Variants in SCMH1 observed in about 807,000 individuals in gnomAD.
SCMH1 encodes polycomb protein SCMH1.
A neutral mutation model predicts 70.8 loss-of-function variants in SCMH1; 37 were observed. The ratio of observed to expected loss-of-function variants is 0.52; its 90% CI spans 0.40 to 0.69. The LOEUF (loss-of-function observed/expected upper bound fraction) is 0.69. SCMH1 is among the 30% of genes least tolerant of loss of function. SCMH1 has a pLI of 0.00. For missense variants in SCMH1, 607 were observed against 827.3 expected, an observed-to-expected ratio of 0.73 and a Z score of 3.27; for synonymous variants, 292 against 307.4, an observed-to-expected ratio of 0.95 and a Z score of 0.52.
chr1:41,030,177 C>T (rs191557069), intron 13 of SCMH1, among the ~76,000 whole-genome samples: 1 of 152,286 alleles, frequency 6.6e-6, no homozygotes, highest in East Asian at 1.9e-4. Context: ...AGCGCCATTG[C>T]AGTCCAGCCT....
chr1:41,114,843 A>AT (rs1670068273), intron 7 of SCMH1, among the ~76,000 whole-genome samples: 3 of 151,778 alleles, frequency 2.0e-5, no homozygotes, highest in Admixed American at 2.0e-4. Context: ...CACTCTGCTA[A>AT]TTTTTGTTAT....
intron 8 of SCMH1, among the ~76,000 whole-genome samples, chr1:41,101,955 A>T (rs987329431): frequency 6.6e-6 from 1 of 152,212 alleles, no homozygotes; most frequent in African/African-American, 2.4e-5. Context: ...TGTATACCTG[A>T]ATAAAAGAGA....
At chr1:41,175,567 T>C (rs979995463) in intron 2 of SCMH1, among the ~76,000 whole-genome samples, 1 of 152,222 alleles carries the variant, frequency 6.6e-6, no homozygotes, top group Non-Finnish European at 1.5e-5. Flanking sequence ...ACCCTAATAC[T>C]AGGTCAGAGT....
intron 1 of SCMH1, among the ~76,000 whole-genome samples, chr1:41,199,640 A>G (rs1219642374): frequency 6.6e-6 from 1 of 151,784 alleles, no homozygotes; most frequent in Non-Finnish European, 1.5e-5. Flanking sequence ...AAAACCAAGT[A>G]TCACATGTAC....
intron 9 of SCMH1, among the ~76,000 whole-genome samples, chr1:41,074,774 A>G (rs1274705265): frequency 6.6e-6 from 1 of 152,214 alleles, no homozygotes; most frequent in Non-Finnish European, 1.5e-5. Context: ...ACGGTCTAGG[A>G]AATTCCTCTT....
intron 1 of SCMH1, among the ~76,000 whole-genome samples, chr1:41,207,793 T>C (rs528672457): frequency 6.6e-6 from 1 of 151,958 alleles, no homozygotes; most frequent in South Asian, 2.1e-4. Context: ...CTGGAGAGGA[T>C]GTGGAGAAAT....
At chr1:41,091,321 G>A (rs1281514011) in intron 8 of SCMH1, among the ~76,000 whole-genome samples, 10 of 152,064 alleles carry the variant, frequency 6.6e-5, no homozygotes, top group Admixed American at 1.3e-4. Context: ...AAAGGCCTTC[G>A]ACAAAATTTA....
At chr1:41,207,354 GC>G (rs1194205808) in intron 1 of SCMH1, among the ~76,000 whole-genome samples, 1 of 152,004 alleles carries the variant, frequency 6.6e-6, no homozygotes. Context: ...GATCTACCAA[GC>G]AAATGGAAAG....
chr1:41,052,350 T>A (rs1372840134), intron 10 of SCMH1, among the ~76,000 whole-genome samples: 1 of 152,216 alleles, frequency 6.6e-6, no homozygotes, highest in South Asian at 2.1e-4. Context: ...ATGAATCCTA[T>A]TGTAAACTGC....
intron 2 of SCMH1, among the ~76,000 whole-genome samples, chr1:41,172,743 T>C (rs1646870958): frequency 6.6e-6 from 1 of 152,038 alleles, no homozygotes; most frequent in Non-Finnish European, 1.5e-5. Flanking sequence ...CACACATATA[T>C]ACCAATGGAA....
chr1:41,218,517 T>C (rs1658567346), intron 1 of SCMH1, among the ~76,000 whole-genome samples: 1 of 152,124 alleles, frequency 6.6e-6, no homozygotes, highest in African/African-American at 2.4e-5. Context: ...GAAAAGATTC[T>C]ACCCAGAGTC....
chr1:41,135,759 G>C (rs1160077073), intron 6 of SCMH1, among the ~76,000 whole-genome samples: 1 of 152,124 alleles, frequency 6.6e-6, no homozygotes, highest in Admixed American at 6.6e-5. Context: ...GGCTGGTGAG[G>C]ATCATGCTGA....
chr1:41,090,426 T>C (rs1052167482), intron 8 of SCMH1, among the ~76,000 whole-genome samples: 1 of 152,092 alleles, frequency 6.6e-6, no homozygotes, highest in Admixed American at 6.6e-5. Flanking sequence ...AATTTTTGGT[T>C]GAAGTTACAA....
intron 1 of SCMH1, among the ~76,000 whole-genome samples, chr1:41,227,646 CACAA>C (rs1294892081): frequency 6.6e-6 from 1 of 152,054 alleles, no homozygotes; most frequent in Non-Finnish European, 1.5e-5. Flanking sequence ...GGGCCTATGT[CACAA>C]GTGGTAAAGA....
chr1:41,142,456 A>T (rs1287111864), intron 6 of SCMH1, among the ~76,000 whole-genome samples: 1 of 152,218 alleles, frequency 6.6e-6, no homozygotes, highest in East Asian at 1.9e-4. Flanking sequence ...GGACCAGGTG[A>T]GAATTAGTGA....
chr1:41,217,460 C>G (rs1408974752), intron 1 of SCMH1, among the ~76,000 whole-genome samples: 1 of 152,156 alleles, frequency 6.6e-6, no homozygotes, highest in Non-Finnish European at 1.5e-5. Context: ...CTCTGCCTAT[C>G]CAGATAGTGT....
intron 10 of SCMH1, among the ~76,000 whole-genome samples, chr1:41,057,412 TC>T (rs1376996181): frequency 1.3e-5 from 2 of 151,918 alleles, no homozygotes; most frequent in East Asian, 3.9e-4. Flanking sequence ...GGCTAATTTT[TC>T]TTTTTTTTTG....
chr1:41,176,585 G>C (rs533985267), intron 2 of SCMH1, among the ~76,000 whole-genome samples: 1 of 152,166 alleles, frequency 6.6e-6, no homozygotes, highest in Non-Finnish European at 1.5e-5. Flanking sequence ...CTTAGCAAAC[G>C]GCACACCAGG....
chr1:41,087,107 A>C lies in SCMH1; in HGVS notation c.746-11656T>G, dbSNP rs563852223. Reference sequence around the variant, plus strand: ...CATAAATCTGGGATATGATAAAAGCAGTATCTCAAATTACTAGGGCAAAGA... The same window carrying C: ...CATAAATCTGGGATATGATAAAAGCCGTATCTCAAATTACTAGGGCAAAGA... On this transcript the variant is annotated intron_variant, in intron 8 of 14. Transcript: ENST00000337495. Among the ~76,000 whole-genome samples, 6 of 152,322 alleles carry C rather than the reference A, an allele frequency of 3.9e-5. No individual in the cohort carries two copies. The East Asian group carries it at 1.2e-3, about 29-fold the overall frequency.
Sources: allele counts gnomAD v4.1 joint callset (sites outside exome capture counted in the v4.1 genomes callset), GRCh38; gene constraint gnomAD v4.1.1; transcripts MANE v1.5; gene names NCBI Gene and HGNC (gene_info 2026-07-23, HGNC 2026-07-21).